NOC4L: variants seen among roughly 807,000 people sequenced by gnomAD.
NOC4L encodes the protein nucleolar complex associated 4 homolog.
A neutral mutation model predicts 62.8 loss-of-function variants in NOC4L; 40 were observed. That is an observed-to-expected ratio of 0.64 (90% confidence interval 0.49 to 0.83). The LOEUF (loss-of-function observed/expected upper bound fraction) is 0.83, where lower values mean the gene tolerates loss of function less well. Ranked by LOEUF, NOC4L falls within the 40% of genes least tolerant of loss-of-function variation. The pLI, the probability that NOC4L is intolerant of heterozygous loss-of-function variation, is 0.00. For synonymous variants in NOC4L, 433 were observed against 299.8 expected, an observed-to-expected ratio of 1.44 and a Z score of -4.59; for missense variants, 927 against 701.9, an observed-to-expected ratio of 1.32 and a Z score of -3.62.
chr12:132,151,357 C>G lies in NOC4L; in HGVS notation c.1062C>G (p.Phe354Leu). Residue 354 changes from phenylalanine to leucine, a missense_variant, in exon 11 of 15, where the codon TTC becomes TTG. Phe to Leu is a conservative substitution (Grantham distance 22). Transcript: ENST00000330579. The stretch of plus-strand genomic sequence containing the variant: ...GCTTCTTCCACCTGGCTGACCTCTT[C>G]CTGTCCTCCTCGTGAGTACCAGGGC... ...RARFFHLADL[F>L]LSSSHLPAYL... 2 of 1,610,018 alleles carry G rather than the reference C, an allele frequency of 1.2e-6. No individual in the cohort carries two copies. Among genetic ancestry groups the G allele is most frequent in the Non-Finnish European group, 8.5e-7 (1 of 1,179,902 alleles).
rs1010074453 is a variant in NOC4L, at chr12:132,151,167, G to A, written c.963-91G>A. Reference sequence around the variant, plus strand: ...GGCCATGGTGTTGGAGTCCCTGGGCGGGAGGAAGGGGCGCCGAGTGAGACC... The same window carrying A: ...GGCCATGGTGTTGGAGTCCCTGGGCAGGAGGAAGGGGCGCCGAGTGAGACC... On this transcript the variant is annotated intron_variant, in intron 10 of 14. Coordinates refer to ENST00000330579, the MANE Select transcript of NOC4L (RefSeq NM_024078.3). 139 of 1,417,526 alleles carry A rather than the reference G, an allele frequency of 9.8e-5. 1 individual carries two copies. The highest frequency in any genetic ancestry group is 4.6e-4 in the South Asian group (40 of 86,296). 87.8% of individuals were successfully genotyped at this position (1,417,526 alleles called of 1,614,324 possible). A position where few individuals can be genotyped will look rare whatever the true frequency, so the allele number is the denominator to read the frequency against.
rs1356164528 is a variant in NOC4L at position 132,150,721 on chromosome 12, A to C, written c.902-260A>C. Reference sequence around the variant, plus strand: ...TGAGTGCCGCCGCCTCGCTCACACCACACCCCTAATCCCCTCGGTGAGTGC... The same window carrying C: ...TGAGTGCCGCCGCCTCGCTCACACCCCACCCCTAATCCCCTCGGTGAGTGC... On this transcript the variant is annotated intron_variant, in intron 9 of 14. Transcript: ENST00000330579. The C allele has an allele frequency of 2.9e-5, 13 of 445,726 alleles. 1 individual carries two copies. The highest frequency in any genetic ancestry group is 6.1e-4 in the Middle Eastern group (1 of 1,648). The allele number at this position is 445,726 out of a possible 1,614,324, so 27.6% of individuals were successfully genotyped here.
Position 132,144,924 on chromosome 12 carries a change from G to T in NOC4L, c.188G>T (p.Arg63Leu), listed in dbSNP as rs372566460. 4 of 1,601,290 alleles carry T rather than the reference G, an allele frequency of 2.5e-6. No individual in the cohort carries two copies. The highest frequency in any genetic ancestry group is 3.4e-6 in the Non-Finnish European group (4 of 1,175,062). The part of the protein sequence containing the change: ...CSRLFGALLE[R>L]GELFVGQLPS... ...CGTCTTTTCGGGGCCTTGCTGGAGCGGGGAGAGCTGTTTGTGGGCCAGCTG... is the reference window on the plus strand; with the variant it reads ...CGTCTTTTCGGGGCCTTGCTGGAGCTGGGAGAGCTGTTTGTGGGCCAGCTG... Residue 63 changes from arginine to leucine, a missense_variant, in exon 2 of 15, where the codon CGG (arginine) becomes CTG (leucine). Arg to Leu is a moderately radical substitution (Grantham distance 102). Transcript: ENST00000330579.
At chr12:132,147,549 G>T in intron 4 of NOC4L, 84 bp from the exon 5 acceptor site, 1 of 1,541,576 alleles carries the variant, frequency 6.5e-7, no homozygotes. Context: ...CTGCCTGGGG[G>T]GCTCGATGGG....
chr12:132,145,237 C>T (rs1290511976), intron 2 of NOC4L, among the ~76,000 whole-genome samples: 1 of 152,202 alleles, frequency 6.6e-6, no homozygotes, highest in Non-Finnish European at 1.5e-5. Flanking sequence ...TTGACTGATC[C>T]TGACACGGTC....
intron 2 of NOC4L, among the ~76,000 whole-genome samples, chr12:132,145,286 G>T (rs1407653267): frequency 6.6e-6 from 1 of 152,244 alleles, no homozygotes; most frequent in Non-Finnish European, 1.5e-5. Flanking sequence ...CCATCCTGGG[G>T]ACGTCAGGTC....
At chr12:132,147,456 TG>T in intron 4 of NOC4L, 68 bp downstream of exon 4, 2 of 1,471,078 alleles carry the variant, frequency 1.4e-6, no homozygotes. Context: ...GGCCCCGTAG[TG>T]GGGGCGGGGC....
chr12:132,146,285 C>T (rs1184956245), intron 3 of NOC4L: 3 of 455,938 alleles, frequency 6.6e-6, no homozygotes, highest in Non-Finnish European at 1.3e-5. Flanking sequence ...TTCTTCCACT[C>T]ATCGGCGTGT....
chr12:132,151,494 G>A lies in NOC4L; in HGVS notation c.1084G>A (p.Ala362Thr), dbSNP rs371212881. The A allele has an allele frequency of 2.9e-5, 46 of 1,602,774 alleles. No homozygotes were observed. The highest frequency in any genetic ancestry group is 6.7e-5 in the East Asian group (3 of 44,836). ...CACTGCCCTGCCCAGCCACCTCCCC[G>A]CCTACCTGGTGGCCGCCTTCGCCAA... ...DLFLSSSHLP[A>T]YLVAAFAKRL... Residue 362 changes from alanine to threonine, a missense_variant, in exon 12 of 15, where the codon GCC becomes ACC. By Grantham distance (58) the Ala-to-Thr change is moderately conservative. Transcript: ENST00000330579.
At position 132,151,030 on chromosome 12, in the gene NOC4L, C is replaced by T. The variant is rs750361497; in HGVS notation, c.951C>T (p.His317=). The T allele has an allele frequency of 3.2e-5, 51 of 1,611,024 alleles. No homozygotes were observed. In the Admixed American group the frequency reaches 7.7e-4, roughly 24 times the overall value. ...LALNGLFILI[H]KHNLEYPDFY... ...TGAACGGGCTGTTCATCTTGATTCA[C>T]AAACACAACCTGTGAGTGTCACCAG... is the stretch of plus-strand genomic sequence containing the variant. Residue 317 remains histidine, a synonymous_variant, in exon 10 of 15, where the codon CAC becomes CAT. Coordinates refer to ENST00000330579, the MANE Select transcript of NOC4L (RefSeq NM_024078.3).
At chr12:132,151,159 C>T (rs1035476795) in intron 10 of NOC4L, 99 bp from the exon 11 acceptor site, 4 of 1,420,494 alleles carry the variant, frequency 2.8e-6, no homozygotes, top group South Asian at 1.2e-5. Context: ...GTGTTGGAGT[C>T]CCTGGGCGGG....
rs375062326 is a variant in NOC4L at position 132,145,699 on chromosome 12, C to T, written c.345+34C>T. On this transcript the variant is annotated intron_variant, in intron 3 of 14. Coordinates refer to ENST00000330579, the MANE Select transcript of NOC4L (RefSeq NM_024078.3). ...TTGGGCTGGCCTCATCCTTGTCCAT[C>T]CCCTGCACCCCAACTCCCAGGTTAT... is the stretch of plus-strand genomic sequence containing the variant. The T allele has an allele frequency of 8.4e-6, 12 of 1,428,662 alleles. No individual in the cohort carries two copies. The African/African-American group carries it at 9.8e-5, about 12-fold the overall frequency. 88.5% of individuals were successfully genotyped at this position (1,428,662 alleles called of 1,614,324 possible).
rs996205182 is a variant in NOC4L, at chr12:132,146,297, C to G, written c.345+632C>G. 2.0e-5 allele frequency: 9 copies of G among 456,006 alleles called. No individual in the cohort carries two copies. In the Middle Eastern group the frequency reaches 9.8e-4, roughly 50 times the overall value. 28.2% of individuals were successfully genotyped at this position (456,006 alleles called of 1,614,324 possible). ...GGCTTCTTCCACTCATCGGCGTGTT[C>G]GAAGTTCGTTCTCTTTGTGGCTGAG... On this transcript the variant is annotated intron_variant, in intron 3 of 14. Transcript: ENST00000330579.
chr12:132,148,814 C>G lies in NOC4L; in HGVS notation c.820C>G (p.Leu274Val). The G allele has an allele frequency of 6.2e-7, 1 of 1,603,038 alleles. No individual in the cohort carries two copies. The highest frequency in any genetic ancestry group is 8.5e-7 in the Non-Finnish European group (1 of 1,177,604). ...CCTCAGCCTCTACAAGAAGGTGCTGCTGATTGTGCATGACGCCATCCTGCC... is the reference window on the plus strand; with the variant it reads ...CCTCAGCCTCTACAAGAAGGTGCTGGTGATTGTGCATGACGCCATCCTGCC... ...LPLSLYKKVLLIVHDAILPQL... is the reference protein window; with the variant it reads ...LPLSLYKKVLVIVHDAILPQL... Residue 274 changes from leucine (L) to valine (V), a missense_variant, in exon 9 of 15, where the codon CTG (leucine) becomes GTG (valine). Leu to Val is a conservative substitution (Grantham distance 32, BLOSUM62 1). Coordinates refer to ENST00000330579, the MANE Select transcript of NOC4L (RefSeq NM_024078.3).
chr12:132,150,052 G>A (rs1291361741), intron 9 of NOC4L, among the ~76,000 whole-genome samples: 2 of 106 alleles, frequency 0.019, no homozygotes, highest in Non-Finnish European at 0.028. Flanking sequence ...CCGCCGCCTC[G>A]CTCACACCAC....
Position 132,145,612 on chromosome 12 carries a change from A to C in NOC4L, c.292A>C (p.Ser98Arg). The C allele has an allele frequency of 1.2e-6, 2 of 1,613,600 alleles. No homozygotes were observed. The highest frequency in any genetic ancestry group is 1.7e-6 in the Non-Finnish European group (2 of 1,179,922). The part of the protein sequence containing the change: ...YKVWMRHRYH[S>R]CCNRLGELLG... ...GGTGTGGATGAGACACCGCTATCAC[A>C]GCTGCTGCAATCGCTTGGGAGAGCT... The change falls in exon 3 of 15, where the codon AGC (serine) becomes CGC (arginine). Residue 98 changes from serine (S) to arginine (R), a missense_variant. By Grantham distance (110) the Ser-to-Arg change is moderately radical (BLOSUM62 -1). Coordinates refer to ENST00000330579, the MANE Select transcript of NOC4L (RefSeq NM_024078.3).
rs1424080676 is a variant in NOC4L at position 132,148,137 on chromosome 12, C to T, written c.738+31C>T. On this transcript the variant is annotated intron_variant, in intron 7 of 14. Transcript: ENST00000330579. ...TTGCTTCTGGAGAGCCGGGCACCCTCCCGGGTTTGGGGGTGTGTGTGGGGT... is the reference window on the plus strand; with the variant it reads ...TTGCTTCTGGAGAGCCGGGCACCCTTCCGGGTTTGGGGGTGTGTGTGGGGT... 5.0e-6 allele frequency: 8 copies of T among 1,611,544 alleles called. No homozygotes were observed. The African/African-American group carries it at 1.1e-4, about 22-fold the overall frequency.
chr12:132,148,583 C>A (rs376237369), intron 7 of NOC4L, 26 bp from the exon 8 acceptor site: 6 of 1,546,190 alleles, frequency 3.9e-6, no homozygotes, highest in East Asian at 2.5e-5. Context: ...GGGAGGGCGG[C>A]GAGTGCAGTC....
At position 132,144,534 on chromosome 12, in the gene NOC4L, C is replaced by T. The variant is rs1304458145; in HGVS notation, c.46C>T (p.Arg16Cys). 6.6e-7 allele frequency: 1 copy of T among 1,518,380 alleles called. No homozygotes were observed. The allele number at this position is 1,518,380 out of a possible 1,614,324, so 94.1% of individuals were successfully genotyped here. Residue 16 changes from arginine to cysteine, a missense_variant, in exon 1 of 15, where the codon CGC (arginine) becomes TGC (cysteine). Physicochemically the swap from Arg to Cys is radical, Grantham distance 180. Coordinates refer to ENST00000330579, the MANE Select transcript of NOC4L (RefSeq NM_024078.3). ...GAAGVRRALG[R>C]RLEAVLASRS... ...CGCGGGAGTTCGCCGGGCTCTGGGC[C>T]GCCGGCTGGAGGCGGTGCTGGCGAG... is the stretch of plus-strand genomic sequence containing the variant.
Sources: allele counts gnomAD v4.1 joint callset (sites outside exome capture counted in the v4.1 genomes callset), GRCh38; gene constraint gnomAD v4.1.1; transcripts MANE v1.5; gene names NCBI Gene and HGNC (gene_info 2026-07-23, HGNC 2026-07-21).